The following SLC25A13 variants were observed in gnomAD, a reference collection of about 807,000 sequenced individuals.
SLC25A13 encodes the protein electrogenic aspartate/glutamate antiporter SLC25A13, mitochondrial.
A neutral mutation model predicts 85.5 loss-of-function variants in SLC25A13; 70 were observed. That is an observed-to-expected ratio of 0.82 (90% confidence interval 0.68 to 1.00). The LOEUF (loss-of-function observed/expected upper bound fraction) is 1.00. Ranked by LOEUF, SLC25A13 falls within the 50% of genes least tolerant of loss-of-function variation. The probability of loss-of-function intolerance (pLI) is 0.00; values close to 1 mark genes in which losing one functional copy is unlikely to be tolerated. For missense variants in SLC25A13, 765 were observed against 819.8 expected, an observed-to-expected ratio of 0.93 and a Z score of 0.82; for synonymous variants, 259 against 288.7, an observed-to-expected ratio of 0.90 and a Z score of 1.04.
chr7:96,254,131 A>G (rs1797536825), intron 3 of SLC25A13, among the ~76,000 whole-genome samples: 1 of 152,204 alleles, frequency 6.6e-6, no homozygotes, highest in Admixed American at 6.5e-5. Flanking sequence ...TGTGGTAGTC[A>G]GATTAAACAT....
intron 5 of SLC25A13, among the ~76,000 whole-genome samples, chr7:96,195,522 T>C (rs76108921): frequency 0.033 from 4,989 of 152,280 alleles, 204 homozygotes; most frequent in African/African-American, 0.095. Flanking sequence ...TGGTCTACCA[T>C]GCACACATAA....
chr7:96,173,896 A>G (rs1349378111), intron 11 of SLC25A13, among the ~76,000 whole-genome samples: 1 of 152,330 alleles, frequency 6.6e-6, no homozygotes, highest in East Asian at 1.9e-4. Context: ...GATGACTGAC[A>G]GTCTTTAGAG....
At chr7:96,248,039 T>A (rs1797272897) in intron 3 of SLC25A13, among the ~76,000 whole-genome samples, 1 of 151,392 alleles carries the variant, frequency 6.6e-6, no homozygotes, top group African/African-American at 2.4e-5. Context: ...AGCATCCACA[T>A]CTAAGAAAAA....
chr7:96,208,145 G>C (rs1167341978), intron 5 of SLC25A13, among the ~76,000 whole-genome samples: 1 of 152,066 alleles, frequency 6.6e-6, no homozygotes, highest in Non-Finnish European at 1.5e-5. Context: ...CCATTTCCAG[G>C]GGAAAACAAA....
At chr7:96,312,912 T>C (rs569688655) in intron 1 of SLC25A13, among the ~76,000 whole-genome samples, 165 of 152,328 alleles carry the variant, frequency 1.1e-3, no homozygotes, top group African/African-American at 3.8e-3. Flanking sequence ...GTTTCACTGA[T>C]CCACCTCTTT....
chr7:96,157,853 T>C (rs1042820127), intron 13 of SLC25A13, among the ~76,000 whole-genome samples: 5 of 152,120 alleles, frequency 3.3e-5, no homozygotes, highest in African/African-American at 1.2e-4. Context: ...AAATCAAATA[T>C]TTTAGAAAGG....
intron 2 of SLC25A13, among the ~76,000 whole-genome samples, chr7:96,294,620 A>G (rs1704920854): frequency 6.6e-6 from 1 of 151,374 alleles, no homozygotes. Flanking sequence ...GAAAAAAAAA[A>G]AAAGAAAAAA....
At chr7:96,237,886 C>A (rs921387725) in intron 3 of SLC25A13, among the ~76,000 whole-genome samples, 2 of 152,002 alleles carry the variant, frequency 1.3e-5, no homozygotes, top group African/African-American at 4.8e-5. Context: ...AAAGAAGGGA[C>A]CTGTGGGAGA....
Position 96,227,568 on chromosome 7 carries a change from G to A in SLC25A13, c.328+7234C>T, listed in dbSNP as rs138468357. Among the ~76,000 whole-genome samples, 235 of 152,186 alleles carry A rather than the reference G, an allele frequency of 1.5e-3. 1 individual carries two copies. Among genetic ancestry groups the A allele is most frequent in the Non-Finnish European group, 2.4e-3 (162 of 68,016 alleles). On this transcript the variant is annotated intron_variant, in intron 4 of 17. Coordinates refer to ENST00000265631, the MANE Select transcript of SLC25A13 (RefSeq NM_014251.3). ...GTAATTAAGATAGTATAGTATTAGC[G>A]GAGAATATACAATAATGTAAAAAGA...
At chr7:96,168,121 AAAAAAAAAGC>A (rs1793842758) in intron 13 of SLC25A13, among the ~76,000 whole-genome samples, 1 of 144,606 alleles carries the variant, frequency 6.9e-6, no homozygotes, top group Non-Finnish European at 1.5e-5. Context: ...AAAAAAAAAA[AAAAAAAAAGC>A]ACGTGTGCAC....
chr7:96,241,984 A>G (rs535204302), intron 3 of SLC25A13, among the ~76,000 whole-genome samples: 46 of 152,312 alleles, frequency 3.0e-4, no homozygotes, highest in African/African-American at 5.8e-4. Flanking sequence ...TGTGGCTACG[A>G]AAGTTTAAGC....
chr7:96,314,151 G>T (rs1055897550), intron 1 of SLC25A13, among the ~76,000 whole-genome samples: 1 of 151,962 alleles, frequency 6.6e-6, no homozygotes, highest in African/African-American at 2.4e-5. Context: ...AAGGATGAAG[G>T]ACGAAGAAGA....
intron 2 of SLC25A13, among the ~76,000 whole-genome samples, chr7:96,291,273 T>C (rs1417639867): frequency 6.6e-6 from 1 of 152,132 alleles, no homozygotes; most frequent in African/African-American, 2.4e-5. Flanking sequence ...GGGACACATT[T>C]AAAGCAGTGT....
At chr7:96,278,799 C>T (rs946779192) in intron 2 of SLC25A13, among the ~76,000 whole-genome samples, 17 of 152,108 alleles carry the variant, frequency 1.1e-4, no homozygotes, top group South Asian at 4.1e-4. Context: ...GCATTTAATT[C>T]GGCTTTTTGG....
At chr7:96,245,502 A>G (rs1343532793) in intron 3 of SLC25A13, among the ~76,000 whole-genome samples, 1 of 152,222 alleles carries the variant, frequency 6.6e-6, no homozygotes, top group Non-Finnish European at 1.5e-5. Flanking sequence ...CTTTAGATAA[A>G]TATCCTTTAT....
intron 2 of SLC25A13, 63 bp from the exon 3 acceptor site, chr7:96,277,401 G>A: frequency 2.0e-6 from 3 of 1,481,570 alleles, no homozygotes. Context: ...ATAATCATGA[G>A]AGTGATATGT....
intron 1 of SLC25A13, among the ~76,000 whole-genome samples, chr7:96,310,267 G>C (rs1799903354): frequency 6.6e-6 from 1 of 152,048 alleles, no homozygotes; most frequent in South Asian, 2.1e-4. Flanking sequence ...AGGTCTCTTT[G>C]GGAGTTTCCT....
chr7:96,235,329 C>T lies in SLC25A13; in HGVS notation c.213-412G>A, dbSNP rs186464399. ...CTTATACACCATGCAAAAAACGGTT[C>T]ACAGATATTGATTCACTACTGGTAT... is the stretch of plus-strand genomic sequence containing the variant. On this transcript the variant is annotated intron_variant, in intron 3 of 17. Transcript: ENST00000265631. Among the ~76,000 whole-genome samples, 21 of 152,248 alleles carry T rather than the reference C, an allele frequency of 1.4e-4. No homozygotes were observed. In the East Asian group the frequency reaches 3.9e-3, roughly 28 times the overall value.
chr7:96,173,446 T>C (rs1794090440), intron 11 of SLC25A13, among the ~76,000 whole-genome samples: 1 of 152,236 alleles, frequency 6.6e-6, no homozygotes. Flanking sequence ...TGTATCTTTA[T>C]ATACAACTCA....
Sources: allele counts gnomAD v4.1 joint callset (sites outside exome capture counted in the v4.1 genomes callset), GRCh38; gene constraint gnomAD v4.1.1; transcripts MANE v1.5; gene names NCBI Gene and HGNC (gene_info 2026-07-23, HGNC 2026-07-21).